The following SPHKAP variants were observed in gnomAD, a reference collection of about 807,000 sequenced individuals.
SPHKAP encodes the protein SPHK1 interactor, AKAP domain containing.
Under a neutral mutation model 137.5 loss-of-function variants are expected in SPHKAP, and 67 were observed. The ratio of observed to expected loss-of-function variants is 0.49; its 90% CI spans 0.40 to 0.60. The LOEUF is 0.60. Ranked by LOEUF, SPHKAP falls within the 20% of genes least tolerant of loss-of-function variation. The pLI, the probability that SPHKAP is intolerant of heterozygous loss-of-function variation, is 0.00. For synonymous variants in SPHKAP, 813 were observed against 785.3 expected (o/e 1.04, Z -0.59); for missense variants, 2,097 against 2,069.3 (o/e 1.01, Z -0.26).
At chr2:228,032,837 T>C (rs1034864084) in intron 3 of SPHKAP, among the ~76,000 whole-genome samples, 6 of 152,154 alleles carry the variant, frequency 3.9e-5, no homozygotes, top group Non-Finnish European at 8.8e-5. Flanking sequence ...TGAGAGATTT[T>C]GTCACCACCA....
At chr2:228,133,426 A>G (rs1699329361) in intron 1 of SPHKAP, among the ~76,000 whole-genome samples, 1 of 152,198 alleles carries the variant, frequency 6.6e-6, no homozygotes, top group Non-Finnish European at 1.5e-5. Context: ...TGGAAACTCA[A>G]AATTAAACCT....
chr2:228,014,808 T>G (rs1204461974), intron 7 of SPHKAP, among the ~76,000 whole-genome samples: 1 of 152,220 alleles, frequency 6.6e-6, no homozygotes, highest in Non-Finnish European at 1.5e-5. Flanking sequence ...CTGCCACTCT[T>G]GGTAAATAAT....
At chr2:228,038,456 T>C (rs1475154281) in intron 3 of SPHKAP, among the ~76,000 whole-genome samples, 1 of 152,138 alleles carries the variant, frequency 6.6e-6, no homozygotes, top group Non-Finnish European at 1.5e-5. Context: ...TTGCATGAGC[T>C]GGAGAGAAAC....
chr2:228,085,721 A>G (rs1409545323), intron 3 of SPHKAP, among the ~76,000 whole-genome samples: 1 of 152,236 alleles, frequency 6.6e-6, no homozygotes, highest in Non-Finnish European at 1.5e-5. Flanking sequence ...CTGCACATTA[A>G]GTGACCTCCG....
chr2:228,113,317 T>G (rs1051388353), intron 2 of SPHKAP, among the ~76,000 whole-genome samples: 17 of 152,144 alleles, frequency 1.1e-4, no homozygotes, highest in Non-Finnish European at 2.9e-5. Context: ...CACTATTATC[T>G]GAATTAAATT....
At chr2:228,092,850 TAAGCTATGAGGATGCA>T (rs1384054216) in intron 3 of SPHKAP, among the ~76,000 whole-genome samples, 3 of 151,932 alleles carry the variant, frequency 2.0e-5, no homozygotes, top group African/African-American at 7.3e-5. Flanking sequence ...AAGTGGGAGC[TAAGCTATGAGGATGCA>T]AAGGCATGAG....
intron 3 of SPHKAP, among the ~76,000 whole-genome samples, chr2:228,052,377 C>T (rs1574802656): frequency 6.6e-6 from 1 of 152,190 alleles, no homozygotes; most frequent in African/African-American, 2.4e-5. Context: ...TAGGCCAATG[C>T]TAATTCTTAG....
intron 7 of SPHKAP, among the ~76,000 whole-genome samples, chr2:228,006,628 AT>A (rs1398809266): frequency 6.9e-6 from 1 of 145,178 alleles, no homozygotes; most frequent in Admixed American, 6.8e-5. Context: ...GATTTTTAGA[AT>A]TTTCAGTTTT....
chr2:227,994,045 C>T, intron 8 of SPHKAP: 1 of 985,278 alleles, frequency 1.0e-6, no homozygotes, highest in Non-Finnish European at 1.2e-6. Flanking sequence ...CTGGCAGGAA[C>T]CAGTTTTGAC....
At position 228,066,862 on chromosome 2, in the gene SPHKAP, A is replaced by G. The variant is rs544792026; in HGVS notation, c.247-39319T>C. Among the ~76,000 whole-genome samples the G allele has an allele frequency of 5.9e-5, 9 of 152,340 alleles. No individual in the cohort carries two copies. In the South Asian group the frequency reaches 6.2e-4, roughly 11 times the overall value. On this transcript the variant is annotated intron_variant, in intron 3 of 11. Transcript: ENST00000392056. ...CTGGTTTTTAGCATTCATTTAAACT[A>G]AGCTCGTAAATGGAAGGGTAATACT...
chr2:228,082,124 C>T (rs1697383380), intron 3 of SPHKAP, among the ~76,000 whole-genome samples: 1 of 152,120 alleles, frequency 6.6e-6, no homozygotes, highest in Admixed American at 6.5e-5. Context: ...CAGGCAGTGG[C>T]CCAGATTTGG....
At chr2:227,993,453 A>G (rs1693495539) in intron 9 of SPHKAP, 81 bp downstream of exon 9, 1 of 1,317,352 alleles carries the variant, frequency 7.6e-7, no homozygotes, top group South Asian at 1.3e-5. Flanking sequence ...GTGGTTGGGC[A>G]CAACCTGAAT....
At chr2:228,059,891 C>T (rs936964569) in intron 3 of SPHKAP, among the ~76,000 whole-genome samples, 4 of 152,288 alleles carry the variant, frequency 2.6e-5, no homozygotes, top group African/African-American at 4.8e-5. Context: ...CAATTTATCG[C>T]GCTCTATGCT....
intron 3 of SPHKAP, among the ~76,000 whole-genome samples, chr2:228,056,898 C>A (rs1044714591): frequency 9.2e-5 from 14 of 152,082 alleles, no homozygotes; most frequent in Non-Finnish European, 1.3e-4. Context: ...TGGATGGTCT[C>A]CAGGTTTGGG....
At chr2:227,997,265 C>A (rs10168203) in intron 7 of SPHKAP, among the ~76,000 whole-genome samples, 80,568 of 151,964 alleles carry the variant, frequency 0.53, 21,710 homozygotes, top group South Asian at 0.67. Context: ...TTTTTCAAAA[C>A]TGCAGGGATT....
intron 2 of SPHKAP, among the ~76,000 whole-genome samples, chr2:228,119,972 C>T (rs896037952): frequency 6.6e-6 from 1 of 151,944 alleles, no homozygotes; most frequent in African/African-American, 2.4e-5. Context: ...TGCATTATAC[C>T]ATTGACACCT....
At chr2:228,022,717 G>T (rs1393918064) in intron 5 of SPHKAP, among the ~76,000 whole-genome samples, 1 of 152,164 alleles carries the variant, frequency 6.6e-6, no homozygotes, top group Admixed American at 6.5e-5. Context: ...AGGGTCTAGA[G>T]TCAGGAAGGA....
chr2:228,088,376 T>A (rs1697610066), intron 3 of SPHKAP, among the ~76,000 whole-genome samples: 1 of 152,148 alleles, frequency 6.6e-6, no homozygotes, highest in Non-Finnish European at 1.5e-5. Context: ...TTTGGGGTGT[T>A]AAATTGTAAA....
rs1482529488 is a variant in SPHKAP at position 228,017,097 on chromosome 2, C to T, written c.3757G>A (p.Val1253Met). ...TCTAAAGAGTTGGCTTTGATGGGCA[C>T]ATTCACTGTCAGCCTGGAGCATGGG... is the stretch of plus-strand genomic sequence containing the variant. ...RSPCSRLTVNVPIKANSLDGF... is the reference protein window; with the variant it reads ...RSPCSRLTVNMPIKANSLDGF... The change falls in exon 7 of 12, where the codon GTG becomes ATG. Residue 1253 changes from valine to methionine, a missense_variant. Transcript: ENST00000392056. The T allele has an allele frequency of 1.9e-6, 3 of 1,614,104 alleles. No homozygotes were observed. Among genetic ancestry groups the T allele is most frequent in the Admixed American group, 1.7e-5 (1 of 60,022 alleles).
Sources: gnomAD v4.1 joint callset for allele counts (sites outside exome capture counted in the v4.1 genomes callset) on GRCh38, gnomAD v4.1.1 for gene constraint, MANE v1.5 for transcripts, NCBI Gene and HGNC (gene_info 2026-07-23, HGNC 2026-07-21) for gene names.